SNX10: variants seen among roughly 807,000 people sequenced by gnomAD.
SNX10 encodes sorting nexin 10.
SNX10 carries 25 observed loss-of-function variants against 28.5 expected under a neutral mutation model. The observed-to-expected ratio is 0.88, with a 90% CI of 0.64 to 1.22. The LOEUF is 1.22. Ranked by LOEUF, SNX10 falls within the 50% of genes most tolerant of loss-of-function variation. The pLI is 0.00. For missense variants in SNX10, 223 were observed against 242.6 expected (o/e 0.92, Z 0.54); for synonymous variants, 62 against 81.4 (o/e 0.76, Z 1.28).
At chr7:26,312,650 G>A (rs1036990968) in intron 1 of SNX10, among the ~76,000 whole-genome samples, 2 of 152,124 alleles carry the variant, frequency 1.3e-5, no homozygotes, top group African/African-American at 4.8e-5. Flanking sequence ...CAGGCGTGTT[G>A]GCGCTTGCCT....
Position 26,295,821 on chromosome 7 carries a change from A to G in SNX10, c.-24+3735A>G, listed in dbSNP as rs1216552336. The stretch of plus-strand genomic sequence containing the variant: ...CTCTGATTTGGTATGGGAATCTACA[A>G]CTCGGAGAGATGTGAGCCAGGAAAA... On this transcript the variant is annotated intron_variant, in intron 1 of 6. Coordinates refer to ENST00000338523, the MANE Select transcript of SNX10 (RefSeq NM_013322.3). 3.9e-5 allele frequency among the ~76,000 whole-genome samples: 6 copies of G among 152,172 alleles called. No homozygotes were observed. The East Asian group carries it at 1.2e-3, about 29-fold the overall frequency.
intron 1 of SNX10, among the ~76,000 whole-genome samples, chr7:26,331,191 A>C (rs979352698): frequency 1.3e-5 from 2 of 151,364 alleles, no homozygotes; most frequent in African/African-American, 2.4e-5. Flanking sequence ...AAGTAGATGT[A>C]TTAACATAAA....
At chr7:26,356,715 G>A (rs1584163105) in intron 2 of SNX10, among the ~76,000 whole-genome samples, 1 of 152,176 alleles carries the variant, frequency 6.6e-6, no homozygotes, top group East Asian at 1.9e-4. Context: ...CTAAGTTACT[G>A]AAGCTATCAG....
intron 1 of SNX10, among the ~76,000 whole-genome samples, chr7:26,323,067 G>A (rs1215102250): frequency 6.6e-6 from 1 of 152,036 alleles, no homozygotes; most frequent in African/African-American, 2.4e-5. Flanking sequence ...GGGCAACATA[G>A]TGAGATATTA....
intron 1 of SNX10, among the ~76,000 whole-genome samples, chr7:26,333,856 C>T (rs547597567): frequency 6.1e-4 from 93 of 152,238 alleles, no homozygotes; most frequent in Non-Finnish European, 1.1e-3. Context: ...ATTTCATGCA[C>T]CCAGCTACCA....
intron 1 of SNX10, among the ~76,000 whole-genome samples, chr7:26,298,973 C>T (rs1465138961): frequency 6.6e-6 from 1 of 152,168 alleles, no homozygotes; most frequent in Non-Finnish European, 1.5e-5. Context: ...TTTCCAAATA[C>T]CAACACACTG....
intron 1 of SNX10, among the ~76,000 whole-genome samples, chr7:26,295,532 A>G (rs1432818884): frequency 6.6e-6 from 1 of 152,246 alleles, no homozygotes; most frequent in Non-Finnish European, 1.5e-5. Flanking sequence ...GAGGCAGAAT[A>G]ACTTAATCTG....
At chr7:26,354,175 A>G (rs1788725229) in intron 2 of SNX10, 1 of 152,244 alleles carries the variant, frequency 6.6e-6, no homozygotes, top group African/African-American at 2.4e-5. Flanking sequence ...CCCCCTGGAA[A>G]CTGTAATAGG....
intron 1 of SNX10, among the ~76,000 whole-genome samples, chr7:26,310,186 G>T: frequency 6.6e-6 from 1 of 152,204 alleles, no homozygotes; most frequent in East Asian, 1.9e-4. Context: ...GCTGGCCCGA[G>T]AGGCGGGCGA....
chr7:26,343,594 A>G (rs980377931), intron 1 of SNX10, among the ~76,000 whole-genome samples: 3 of 152,132 alleles, frequency 2.0e-5, no homozygotes, highest in Non-Finnish European at 4.4e-5. Context: ...TGGGGCAGAG[A>G]GCCCGGGAAG....
chr7:26,353,882 A>G (rs775756733), intron 2 of SNX10, among the ~76,000 whole-genome samples: 36 of 152,226 alleles, frequency 2.4e-4, no homozygotes, highest in Non-Finnish European at 3.1e-4. Context: ...CTACTTTGAA[A>G]TAGGAAAAAA....
intron 1 of SNX10, among the ~76,000 whole-genome samples, chr7:26,317,599 T>C (rs954246733): frequency 1.3e-5 from 2 of 151,920 alleles, no homozygotes; most frequent in Non-Finnish European, 2.9e-5. Flanking sequence ...TGGGAATAAT[T>C]AACTTGGAAA....
intron 3 of SNX10, among the ~76,000 whole-genome samples, chr7:26,363,321 A>C (rs1220297118): frequency 6.6e-6 from 1 of 152,206 alleles, no homozygotes; most frequent in Non-Finnish European, 1.5e-5. Context: ...ACCAGGAACC[A>C]TGTCATATAT....
chr7:26,347,199 A>C (rs1417032500), intron 2 of SNX10, among the ~76,000 whole-genome samples: 1 of 152,348 alleles, frequency 6.6e-6, no homozygotes, highest in Middle Eastern at 3.4e-3. Flanking sequence ...AGTGGAAAGC[A>C]TGAAACCATT....
chr7:26,359,328 G>A (rs530092550), intron 2 of SNX10, among the ~76,000 whole-genome samples: 184 of 152,178 alleles, frequency 1.2e-3, no homozygotes, highest in South Asian at 1.7e-3. Flanking sequence ...AATCCTCTAT[G>A]ATGAAGAGTC....
chr7:26,372,281 T>G, intron 6 of SNX10: 1 of 592,440 alleles, frequency 1.7e-6, no homozygotes, highest in Non-Finnish European at 3.0e-6. Flanking sequence ...TTATGTGACT[T>G]TCATTTAGTC....
rs75426402 is a variant in SNX10 at position 26,339,316 on chromosome 7, A to C, written c.-23-7104A>C. Among the ~76,000 whole-genome samples, 306 of 152,210 alleles carry C rather than the reference A, an allele frequency of 2.0e-3. 1 individual carries two copies. Among genetic ancestry groups the C allele is most frequent in the African/African-American group, 6.9e-3 (286 of 41,536 alleles). ...CGCCATGCCGCCCAGACTGGTCTCA[A>C]ACTTTGAGGTCAAGTGATCCTCCCA... On this transcript the variant is annotated intron_variant, in intron 1 of 6. Transcript: ENST00000338523.
chr7:26,348,464 A>G (rs904868149), intron 2 of SNX10, among the ~76,000 whole-genome samples: 2 of 152,232 alleles, frequency 1.3e-5, no homozygotes, highest in African/African-American at 4.8e-5. Flanking sequence ...TGCTTTTTAT[A>G]GAGAAAGAAC....
intron 2 of SNX10, among the ~76,000 whole-genome samples, chr7:26,348,312 G>A (rs1469992656): frequency 6.6e-6 from 1 of 152,186 alleles, no homozygotes; most frequent in Non-Finnish European, 1.5e-5. Context: ...TAATGAAACT[G>A]CAAGGTTAAG....
Sources: allele counts gnomAD v4.1 joint callset (sites outside exome capture counted in the v4.1 genomes callset), GRCh38; gene constraint gnomAD v4.1.1; transcripts MANE v1.5; gene names NCBI Gene and HGNC (gene_info 2026-07-23, HGNC 2026-07-21).